The following PCDHGC3 variants were observed in gnomAD, a reference collection of about 807,000 sequenced individuals.
PCDHGC3 encodes protocadherin gamma-C3.
PCDHGC3 carries 26 observed loss-of-function variants against 59.2 expected under a neutral mutation model. That is an observed-to-expected ratio of 0.44 (90% CI 0.32 to 0.61). PCDHGC3 has a LOEUF of 0.61. Ranked by LOEUF, PCDHGC3 falls within the 20% of genes least tolerant of loss-of-function variation. PCDHGC3 has a pLI of 0.05. For missense variants in PCDHGC3, 1,080 were observed against 1,221.8 expected (o/e 0.88, Z 1.73); for synonymous variants, 487 against 519.7 (o/e 0.94, Z 0.86).
chr5:141,499,731 C>T (rs2099794093), intron 2 of PCDHGC3, among the ~76,000 whole-genome samples: 1 of 138,132 alleles, frequency 7.2e-6, no homozygotes, highest in African/African-American at 2.7e-5. Context: ...GTCTCACTCT[C>T]TTGCCCAGGC....
Position 141,476,110 on chromosome 5 carries a change from G to A in PCDHGC3, c.-7G>A. ...GACCCCGCTGAGAGGAACTGCTTTT[G>A]AGTGAGATGGTCCCAGAGGCCTGGA... On this transcript the variant is annotated 5_prime_UTR_variant, in exon 1 of 4. Transcript: ENST00000308177. The surrounding 1 kb of genome is among the most constrained non-coding windows in gnomAD (Gnocchi z 7.6). 1.9e-6 allele frequency: 3 copies of A among 1,589,382 alleles called. No homozygotes were observed. The highest frequency in any genetic ancestry group is 2.6e-6 in the Non-Finnish European group (3 of 1,170,364).
At chr5:141,480,942 G>T (rs2099528600) in intron 1 of PCDHGC3, among the ~76,000 whole-genome samples, 3 of 152,132 alleles carry the variant, frequency 2.0e-5, no homozygotes, top group Non-Finnish European at 2.9e-5. Flanking sequence ...CTACTCTAGA[G>T]GCTGAGGCGG....
At chr5:141,500,728 T>C (rs556463739) in intron 2 of PCDHGC3, among the ~76,000 whole-genome samples, 1 of 152,310 alleles carries the variant, frequency 6.6e-6, no homozygotes, top group South Asian at 2.1e-4. Context: ...CCCATGTCTT[T>C]CAAAATTCTT....
At chr5:141,503,133 C>A (rs1164077875) in intron 2 of PCDHGC3, among the ~76,000 whole-genome samples, 1 of 152,002 alleles carries the variant, frequency 6.6e-6, no homozygotes, top group Non-Finnish European at 1.5e-5. Context: ...CTGGTAGCCC[C>A]TGACACAGCC....
chr5:141,508,935 A>T (rs180987868), intron 3 of PCDHGC3, among the ~76,000 whole-genome samples: 2 of 152,118 alleles, frequency 1.3e-5, no homozygotes, highest in Non-Finnish European at 2.9e-5. Context: ...GGAGTTAATT[A>T]GGGAAAACAG....
chr5:141,479,035 C>A (rs2099486361), intron 1 of PCDHGC3, among the ~76,000 whole-genome samples: 1 of 152,104 alleles, frequency 6.6e-6, no homozygotes, highest in Non-Finnish European at 1.5e-5. Context: ...TTATACAGAT[C>A]GTGTACCTCA....
chr5:141,490,497 C>G lies in PCDHGC3; in HGVS notation c.2431-4310C>G. The stretch of plus-strand genomic sequence containing the variant: ...CTTTGGACCGGGAGGCCACATCCCA[C>G]TATATCATCGAGCTGCTGGCCAGCG... On this transcript the variant is annotated intron_variant, in intron 1 of 3. Transcript: ENST00000308177. The surrounding 1 kb of genome is among the most constrained non-coding windows in gnomAD (Gnocchi z 5.4). 6.2e-7 allele frequency: 1 copy of G among 1,614,196 alleles called. No individual in the cohort carries two copies. Among genetic ancestry groups the G allele is most frequent in the South Asian group, 1.1e-5 (1 of 91,084 alleles).
At position 141,486,709 on chromosome 5, in the gene PCDHGC3, C is replaced by T; in HGVS notation, c.2431-8098C>T. 6.2e-7 allele frequency: 1 copy of T among 1,614,182 alleles called. No individual in the cohort carries two copies. ...CTTCCTCTTTCATCTCTCTGAACCC[C>T]CAGACAGGAGCTGTTCATGCTACTC... On this transcript the variant is annotated intron_variant, in intron 1 of 3. Coordinates refer to ENST00000308177, the MANE Select transcript of PCDHGC3 (RefSeq NM_002588.4). This position sits in a 1 kb window ranked among gnomAD's most constrained non-coding sequence, Gnocchi z 5.0.
At position 141,491,257 on chromosome 5, in the gene PCDHGC3, G is replaced by GAAAT. The variant is rs1562145331; in HGVS notation, c.2431-3549_2431-3546dup. On this transcript the variant is annotated intron_variant, in intron 1 of 3. Transcript: ENST00000308177. The surrounding 1 kb of genome is among the most constrained non-coding windows in gnomAD (Gnocchi z 6.9). ...GGTTCTGGAGGATGAGGACCCTGAG[G>GAAAT]AAATGCCCAAATCCAGTGACTTCCT... is the stretch of plus-strand genomic sequence containing the variant. 6.2e-7 allele frequency: 1 copy of GAAAT among 1,614,170 alleles called. No individual in the cohort carries two copies. Among genetic ancestry groups the GAAAT allele is most frequent in the East Asian group, 2.2e-5 (1 of 44,884 alleles).
At position 141,511,393 on chromosome 5, in the gene PCDHGC3, C is replaced by G. The variant is rs1257680621; in HGVS notation, c.*220C>G. The G allele has an allele frequency of 2.8e-6, 3 of 1,067,816 alleles. No individual in the cohort carries two copies. The highest frequency in any genetic ancestry group is 3.9e-6 in the Non-Finnish European group (3 of 764,518). The allele number at this position is 1,067,816 out of a possible 1,614,324, so 66.1% of individuals were successfully genotyped here. A position where few individuals can be genotyped will look rare whatever the true frequency, so the allele number is the denominator to read the frequency against. On this transcript the variant is annotated 3_prime_UTR_variant, in exon 4 of 4. Coordinates refer to ENST00000308177, the MANE Select transcript of PCDHGC3 (RefSeq NM_002588.4). ...CAAAAGCAGTTCCGCTGGGAACCCC[C>G]ATCCAATCAACTGCTGTACCCATGG...
rs1223431294 is a variant in PCDHGC3, at chr5:141,490,280, C to T, written c.2431-4527C>T. ...GATGTGGGGGATGTCAATGACAATG[C>T]CCCAGAGGTGCTATTGGCCTCTTTG... On this transcript the variant is annotated intron_variant, in intron 1 of 3. Transcript: ENST00000308177. The surrounding 1 kb of genome is among the most constrained non-coding windows in gnomAD (Gnocchi z 5.4). The T allele has an allele frequency of 5.6e-6, 9 of 1,614,216 alleles. No individual in the cohort carries two copies. In the East Asian group the frequency reaches 1.8e-4, roughly 32 times the overall value.
At chr5:141,494,161 T>G (rs1420295862) in intron 1 of PCDHGC3, among the ~76,000 whole-genome samples, 3 of 152,052 alleles carry the variant, frequency 2.0e-5, no homozygotes, top group African/African-American at 7.3e-5. Flanking sequence ...TGGCACGGAG[T>G]TCTAGGGGTG....
At position 141,478,420 on chromosome 5, in the gene PCDHGC3, C is replaced by A; in HGVS notation, c.2304C>A (p.Arg768=). The A allele has an allele frequency of 6.2e-7, 1 of 1,613,676 alleles. No individual in the cohort carries two copies. Among genetic ancestry groups the A allele is most frequent in the Non-Finnish European group, 8.5e-7 (1 of 1,180,012 alleles). The change falls in exon 1 of 4, where the codon CGC becomes CGA. Residue 768 remains arginine (R), a synonymous_variant. Transcript: ENST00000308177. ...TGTATCTCACCACGGACTCCCGCCG[C>A]AGCGACCCGCTGCTGAAGAAACCTG... is the stretch of plus-strand genomic sequence containing the variant. ...HQVYLTTDSR[R]SDPLLKKPGA...
chr5:141,478,911 T>TA, intron 1 of PCDHGC3: 1 of 871,162 alleles, frequency 1.1e-6, no homozygotes, highest in Non-Finnish European at 1.7e-6. Flanking sequence ...AGCTGCTGGA[T>TA]ACCTCTAACC....
At position 141,491,798 on chromosome 5, in the gene PCDHGC3, G is replaced by A. The variant is rs1269524283; in HGVS notation, c.2431-3009G>A. 1 of 1,506,648 alleles carries A rather than the reference G, an allele frequency of 6.6e-7. No homozygotes were observed. The highest frequency in any genetic ancestry group is 8.9e-7 in the Non-Finnish European group (1 of 1,128,050). The allele number at this position is 1,506,648 out of a possible 1,614,324, so 93.3% of individuals were successfully genotyped here. ...TTGAACTTGCATCCACTCCTCTCCG[G>A]CCGGCTTGGTCGCTGGCTGCGCTCC... On this transcript the variant is annotated intron_variant, in intron 1 of 3. Coordinates refer to ENST00000308177, the MANE Select transcript of PCDHGC3 (RefSeq NM_002588.4). This position sits in a 1 kb window ranked among gnomAD's most constrained non-coding sequence, Gnocchi z 6.9.
intron 3 of PCDHGC3, among the ~76,000 whole-genome samples, chr5:141,510,468 A>G (rs1246106107): frequency 2.0e-5 from 3 of 152,152 alleles, no homozygotes; most frequent in Admixed American, 2.0e-4. Flanking sequence ...TGTGGGAGTC[A>G]GAGGCTCCCT....
chr5:141,510,959 G>A lies in PCDHGC3; in HGVS notation c.2591G>A (p.Gly864Glu). 6.2e-7 allele frequency: 1 copy of A among 1,614,110 alleles called. No individual in the cohort carries two copies. Among genetic ancestry groups the A allele is most frequent in the Non-Finnish European group, 8.5e-7 (1 of 1,180,012 alleles). Residue 864 changes from glycine to glutamate, a missense_variant, in exon 4 of 4, where the codon GGG becomes GAG. Coordinates refer to ENST00000308177, the MANE Select transcript of PCDHGC3 (RefSeq NM_002588.4). ...TCTGTCTCTGCAGAAGCTGCTGATG[G>A]GAGCTCCACCCTGGGAGGGGGTGCC... ...ILASASEAADGSSTLGGGAGT... is the reference protein window; with the variant it reads ...ILASASEAADESSTLGGGAGT...
At chr5:141,503,801 G>A (rs920669425) in intron 2 of PCDHGC3, among the ~76,000 whole-genome samples, 1 of 151,990 alleles carries the variant, frequency 6.6e-6, no homozygotes, top group Admixed American at 6.6e-5. Flanking sequence ...ACTTAGGGAC[G>A]GGGAATCCCA....
chr5:141,511,351 C>G lies in PCDHGC3; in HGVS notation c.*178C>G, dbSNP rs1190324197. On this transcript the variant is annotated 3_prime_UTR_variant, in exon 4 of 4. Coordinates refer to ENST00000308177, the MANE Select transcript of PCDHGC3 (RefSeq NM_002588.4). The stretch of plus-strand genomic sequence containing the variant: ...CCAGTCAGCACCTACCCCTTCCCCC[C>G]CAGGGGGTTGAATATGCAAAAGCAG... 6 of 1,386,432 alleles carry G rather than the reference C, an allele frequency of 4.3e-6. No individual in the cohort carries two copies. The highest frequency in any genetic ancestry group is 2.9e-5 in the African/African-American group (2 of 68,574). The allele number at this position is 1,386,432 out of a possible 1,614,324, so 85.9% of individuals were successfully genotyped here.
Sources: gnomAD v4.1 joint callset for allele counts (sites outside exome capture counted in the v4.1 genomes callset) on GRCh38, gnomAD v4.1.1 for gene constraint, Gnocchi (gnomAD v3.1) non-coding constraint, MANE v1.5 for transcripts, NCBI Gene and HGNC (gene_info 2026-07-23, HGNC 2026-07-21) for gene names.